Variants in FHOD3 observed in about 807,000 individuals in gnomAD.
The protein encoded by FHOD3 is FH1/FH2 domain-containing protein 3.
Under a neutral mutation model 173.0 loss-of-function variants are expected in FHOD3, and 90 were observed. The observed-to-expected ratio is 0.52, with a 90% CI of 0.44 to 0.62. The LOEUF is 0.62. FHOD3 is among the 20% of genes least tolerant of loss of function. The pLI is 0.00. For synonymous variants in FHOD3, 828 were observed against 823.0 expected, an observed-to-expected ratio of 1.01 and a Z score of -0.10; for missense variants, 1,945 against 2,034.7, an observed-to-expected ratio of 0.96 and a Z score of 0.85.
chr18:36,304,643 C>T (rs949515313), intron 1 of FHOD3, among the ~76,000 whole-genome samples: 6 of 152,010 alleles, frequency 3.9e-5, no homozygotes, highest in African/African-American at 1.2e-4. Flanking sequence ...AAGTGTAGGG[C>T]ATCTGTCTTT....
intron 9 of FHOD3, among the ~76,000 whole-genome samples, chr18:36,624,556 G>C (rs1384240126): frequency 1.3e-5 from 2 of 152,118 alleles, no homozygotes; most frequent in African/African-American, 4.8e-5. Context: ...TTACTCAGAA[G>C]GACAGTTAGT....
intron 5 of FHOD3, among the ~76,000 whole-genome samples, chr18:36,556,195 C>T (rs1017760376): frequency 1.3e-5 from 2 of 152,036 alleles, no homozygotes; most frequent in African/African-American, 4.8e-5. Flanking sequence ...CCATTATCTT[C>T]ATGGTTGCTT....
chr18:36,368,408 C>T (rs894531343), intron 2 of FHOD3, among the ~76,000 whole-genome samples: 2 of 152,054 alleles, frequency 1.3e-5, no homozygotes, highest in Admixed American at 1.3e-4. Flanking sequence ...CTGATATTGG[C>T]ACCAGTAGAA....
chr18:36,525,464 G>C (rs531145455), intron 5 of FHOD3, among the ~76,000 whole-genome samples: 2 of 152,140 alleles, frequency 1.3e-5, no homozygotes, highest in Non-Finnish European at 2.9e-5. Flanking sequence ...ACCCAGTCGG[G>C]CCATGCCTGG....
intron 19 of FHOD3, among the ~76,000 whole-genome samples, chr18:36,726,915 T>A (rs1345470148): frequency 6.6e-6 from 1 of 152,216 alleles, no homozygotes; most frequent in African/African-American, 2.4e-5. Context: ...CCTCGTGATC[T>A]GCCCACCTCG....
intron 17 of FHOD3, among the ~76,000 whole-genome samples, chr18:36,706,766 G>A (rs561226378): frequency 3.5e-4 from 54 of 152,314 alleles, no homozygotes; most frequent in African/African-American, 1.0e-3. Flanking sequence ...GCCAGGAGGG[G>A]CCCTTGCTGG....
intron 5 of FHOD3, among the ~76,000 whole-genome samples, chr18:36,531,988 A>G (rs978357230): frequency 3.3e-5 from 5 of 151,912 alleles, no homozygotes; most frequent in African/African-American, 1.2e-4. Flanking sequence ...TTTCATTTCC[A>G]TTTCTTTCCC....
chr18:36,674,892 C>T (rs2037751195), intron 14 of FHOD3, among the ~76,000 whole-genome samples: 1 of 152,190 alleles, frequency 6.6e-6, no homozygotes, highest in African/African-American at 2.4e-5. Flanking sequence ...CTCTATGATG[C>T]ACACTGCTCT....
intron 14 of FHOD3, among the ~76,000 whole-genome samples, chr18:36,677,497 A>G (rs2037941250): frequency 6.6e-6 from 1 of 152,164 alleles, no homozygotes; most frequent in South Asian, 2.1e-4. Context: ...CATTTGTTAA[A>G]CAGTCCATCA....
At chr18:36,325,047 T>C (rs1324837089) in intron 1 of FHOD3, among the ~76,000 whole-genome samples, 1 of 152,232 alleles carries the variant, frequency 6.6e-6, no homozygotes, top group Non-Finnish European at 1.5e-5. Flanking sequence ...CACAGATATA[T>C]AGTTGCAAGA....
At chr18:36,450,784 C>A (rs1237803442) in intron 3 of FHOD3, among the ~76,000 whole-genome samples, 1 of 152,116 alleles carries the variant, frequency 6.6e-6, no homozygotes, top group Non-Finnish European at 1.5e-5. Context: ...CAGAGCAGGA[C>A]CCTGTCTTTT....
At chr18:36,611,850 A>G (rs1038008157) in intron 8 of FHOD3, 102 bp from the exon 9 acceptor site, 1 of 1,171,800 alleles carries the variant, frequency 8.5e-7, no homozygotes, top group Non-Finnish European at 1.2e-6. Context: ...ATTAGTGGCC[A>G]TGATTATAAC....
intron 14 of FHOD3, among the ~76,000 whole-genome samples, chr18:36,676,453 C>T (rs1381177037): frequency 6.6e-6 from 1 of 152,114 alleles, no homozygotes; most frequent in African/African-American, 2.4e-5. Context: ...TAATTAACCA[C>T]TAGCAAGCAA....
At chr18:36,343,305 C>G (rs2045721371) in intron 1 of FHOD3, among the ~76,000 whole-genome samples, 1 of 152,150 alleles carries the variant, frequency 6.6e-6, no homozygotes. Context: ...TATATCCATG[C>G]TATCAAATAT....
chr18:36,323,193 CTGTG>C (rs2044492218), intron 1 of FHOD3, among the ~76,000 whole-genome samples: 1 of 152,174 alleles, frequency 6.6e-6, no homozygotes, highest in Admixed American at 6.5e-5. Context: ...TGCTCCTCCT[CTGTG>C]TGTTATGTCA....
chr18:36,449,588 T>TATTCCCTAG (rs2051702446), intron 3 of FHOD3, among the ~76,000 whole-genome samples: 1 of 152,174 alleles, frequency 6.6e-6, no homozygotes, highest in African/African-American at 2.4e-5. Flanking sequence ...TCCACAGAGT[T>TATTCCCTAG]TTACTCTAGG....
At chr18:36,650,947 A>G (rs968128145) in intron 11 of FHOD3, among the ~76,000 whole-genome samples, 5 of 152,212 alleles carry the variant, frequency 3.3e-5, no homozygotes, top group African/African-American at 1.2e-4. Context: ...TAGGCTTTTC[A>G]GTTTTAGGAA....
chr18:36,558,851 A>G (rs1599652368), intron 5 of FHOD3, among the ~76,000 whole-genome samples: 1 of 152,338 alleles, frequency 6.6e-6, no homozygotes, highest in East Asian at 1.9e-4. Context: ...CTTATGAACT[A>G]AAAACTCAAA....
chr18:36,589,544 T>G (rs17566463), intron 6 of FHOD3, among the ~76,000 whole-genome samples: 16,099 of 152,210 alleles, frequency 0.11, 891 homozygotes, highest in Middle Eastern at 0.16. Flanking sequence ...AAGAAAGCTC[T>G]CTGTTTGCAT....
Sources: allele counts gnomAD v4.1 joint callset (sites outside exome capture counted in the v4.1 genomes callset), GRCh38; gene constraint gnomAD v4.1.1; transcripts MANE v1.5; gene names NCBI Gene and HGNC (gene_info 2026-07-23, HGNC 2026-07-21).